Variants in CLVS1 observed in about 807,000 individuals in gnomAD.
The protein encoded by CLVS1 is clavesin 1.
A neutral mutation model predicts 33.1 loss-of-function variants in CLVS1; 10 were observed. That is an observed-to-expected ratio of 0.30 (90% confidence interval 0.19 to 0.51). CLVS1 has a LOEUF of 0.51. Among genes scored for constraint, CLVS1 ranks in the 20% least tolerant of loss-of-function variants. CLVS1 has a pLI of 0.97. For synonymous variants in CLVS1, 163 were observed against 166.1 expected (o/e 0.98, Z 0.14); for missense variants, 343 against 433.4 (o/e 0.79, Z 1.85).
intron 3 of CLVS1, among the ~76,000 whole-genome samples, chr8:61,387,452 CCACTGTACAGT>C (rs1236484098): frequency 2.6e-4 from 38 of 148,148 alleles, no homozygotes; most frequent in African/African-American, 8.4e-4. Context: ...AGACAAAATT[CCACTGTACAGT>C]TCCTTTTTTT....
chr8:61,169,371 C>T (rs1223814894), intron 2 of CLVS1, among the ~76,000 whole-genome samples: 2 of 152,058 alleles, frequency 1.3e-5, no homozygotes, highest in African/African-American at 4.8e-5. Flanking sequence ...AACTGAAGAA[C>T]AATTATTTCC....
the CLVS1 span, among the ~76,000 whole-genome samples, chr8:61,045,975 A>G: frequency 6.6e-6 from 1 of 152,194 alleles, no homozygotes; most frequent in African/African-American, 2.4e-5. Flanking sequence ...TTTGCTGTGC[A>G]GAAGCTCTTT....
chr8:61,260,702 T>C (rs1454768709), intron 2 of CLVS1, among the ~76,000 whole-genome samples: 1 of 152,128 alleles, frequency 6.6e-6, no homozygotes, highest in Non-Finnish European at 1.5e-5. Context: ...CCCGAACATA[T>C]TGACAGGCTC....
intron 2 of CLVS1, among the ~76,000 whole-genome samples, chr8:61,336,633 A>G (rs1811817284): frequency 6.6e-6 from 1 of 152,208 alleles, no homozygotes; most frequent in Non-Finnish European, 1.5e-5. Flanking sequence ...AAGCAGAAAG[A>G]GGAGACTTAC....
intron 3 of CLVS1, among the ~76,000 whole-genome samples, chr8:61,387,466 C>CTTTTTT (rs372983692): frequency 3.7e-5 from 4 of 109,312 alleles, no homozygotes; most frequent in Non-Finnish European, 3.6e-5. Flanking sequence ...TGTACAGTTC[C>CTTTTTT]TTTTTTTTTT....
chr8:61,393,668 T>C (rs1814397912), intron 3 of CLVS1, among the ~76,000 whole-genome samples: 1 of 152,180 alleles, frequency 6.6e-6, no homozygotes, highest in South Asian at 2.1e-4. Context: ...CAATCAATGT[T>C]ATTTCCCTTC....
the CLVS1 span, among the ~76,000 whole-genome samples, chr8:61,014,345 T>C: frequency 3.3e-3 from 506 of 152,338 alleles, 3 homozygotes; most frequent in African/African-American, 0.011. Flanking sequence ...AATGAGCATG[T>C]CTCCAAATGT....
chr8:61,399,102 C>T (rs769151038), intron 3 of CLVS1, among the ~76,000 whole-genome samples: 3 of 152,114 alleles, frequency 2.0e-5, no homozygotes, highest in Non-Finnish European at 4.4e-5. Context: ...GTGCTTCTGC[C>T]TCTAGATCTT....
chr8:61,355,488 T>A (rs2129599396), intron 2 of CLVS1, among the ~76,000 whole-genome samples: 1 of 152,196 alleles, frequency 6.6e-6, no homozygotes, highest in East Asian at 1.9e-4. Flanking sequence ...TATGTATACA[T>A]GTGCCATGCT....
the CLVS1 span, among the ~76,000 whole-genome samples, chr8:61,049,215 G>A: frequency 6.6e-6 from 1 of 152,180 alleles, no homozygotes; most frequent in Non-Finnish European, 1.5e-5. Flanking sequence ...AAACAATCAT[G>A]GCCCTCTCAC....
chr8:61,232,927 A>C (rs745558102), intron 2 of CLVS1, among the ~76,000 whole-genome samples: 3 of 152,208 alleles, frequency 2.0e-5, no homozygotes, highest in Non-Finnish European at 4.4e-5. Context: ...TTCACTTTTC[A>C]TCTGTTTCCT....
the CLVS1 span, among the ~76,000 whole-genome samples, chr8:60,983,090 G>C: frequency 6.6e-6 from 1 of 152,084 alleles, no homozygotes; most frequent in Non-Finnish European, 1.5e-5. Context: ...TTCCCTGAGG[G>C]CTTGAAAATT....
At chr8:61,041,131 T>C in the CLVS1 span, among the ~76,000 whole-genome samples, 1 of 152,194 alleles carries the variant, frequency 6.6e-6, no homozygotes, top group Non-Finnish European at 1.5e-5. Flanking sequence ...TTGTTAAAGA[T>C]CATTTGGTGT....
At chr8:61,242,139 A>G (rs752176605) in intron 2 of CLVS1, among the ~76,000 whole-genome samples, 4 of 152,148 alleles carry the variant, frequency 2.6e-5, no homozygotes, top group South Asian at 2.1e-4. Flanking sequence ...TTCTTCAAAT[A>G]TAATCTTGTC....
intron 2 of CLVS1, among the ~76,000 whole-genome samples, chr8:61,135,985 T>C (rs1427576336): frequency 1.3e-5 from 2 of 152,226 alleles, no homozygotes; most frequent in Non-Finnish European, 2.9e-5. Flanking sequence ...TCTGGAAGCA[T>C]GGACCTGGCA....
chr8:61,320,054 G>A (rs553998315), intron 2 of CLVS1, among the ~76,000 whole-genome samples: 41 of 151,766 alleles, frequency 2.7e-4, no homozygotes, highest in Non-Finnish European at 4.7e-4. Flanking sequence ...TCTTCTTTAT[G>A]TATCCAGCAT....
chr8:61,139,261 C>G (rs1011932862), intron 2 of CLVS1, among the ~76,000 whole-genome samples: 2 of 152,208 alleles, frequency 1.3e-5, no homozygotes, highest in Non-Finnish European at 2.9e-5. Context: ...GCCGCGGGGG[C>G]AGCGGAACCG....
At chr8:61,134,058 G>A (rs1806147617) in intron 2 of CLVS1, among the ~76,000 whole-genome samples, 2 of 152,328 alleles carry the variant, frequency 1.3e-5, no homozygotes, top group Non-Finnish European at 2.9e-5. Flanking sequence ...ATGTTTATGA[G>A]ATGTTCAGGT....
At chr8:61,276,205 C>A (rs1809559348) in intron 2 of CLVS1, among the ~76,000 whole-genome samples, 1 of 152,192 alleles carries the variant, frequency 6.6e-6, no homozygotes, top group African/African-American at 2.4e-5. Flanking sequence ...TTAGAAAACA[C>A]TCTCCTGTCA....
Sources: allele counts gnomAD v4.1 joint callset (sites outside exome capture counted in the v4.1 genomes callset), GRCh38; gene constraint gnomAD v4.1.1; transcripts MANE v1.5; gene names NCBI Gene and HGNC (gene_info 2026-07-23, HGNC 2026-07-21).